B3GALT1: variants seen among roughly 807,000 people sequenced by gnomAD.
B3GALT1 encodes the protein UDP-Gal:betaGlcNAc beta 1,3-galactosyltransferase, polypeptide 1.
Under a neutral mutation model 23.2 loss-of-function variants are expected in B3GALT1, and 10 were observed. That is an observed-to-expected ratio of 0.43 (90% CI 0.27 to 0.73). The LOEUF (loss-of-function observed/expected upper bound fraction) is 0.73, where lower values mean the gene tolerates loss of function less well. Ranked by LOEUF, B3GALT1 falls within the 30% of genes least tolerant of loss-of-function variation. B3GALT1 has a pLI of 0.21. For missense variants in B3GALT1, 299 were observed against 405.4 expected (o/e 0.74, Z 2.25); for synonymous variants, 156 against 141.5 (o/e 1.10, Z -0.73).
At chr2:167,787,591 C>A (rs1233637437) in intron 3 of B3GALT1, among the ~76,000 whole-genome samples, 2 of 152,204 alleles carry the variant, frequency 1.3e-5, no homozygotes, top group Non-Finnish European at 2.9e-5. Flanking sequence ...TATTAAGACT[C>A]ACCATCACAT....
intron 4 of B3GALT1, among the ~76,000 whole-genome samples, chr2:167,831,232 T>TTAA: frequency 6.6e-6 from 1 of 152,338 alleles, no homozygotes; most frequent in South Asian, 2.1e-4. Context: ...TATTAACAAT[T>TTAA]TAATTCAGCG....
intron 2 of B3GALT1, among the ~76,000 whole-genome samples, chr2:167,514,747 A>G (rs967213864): frequency 6.6e-6 from 1 of 152,228 alleles, no homozygotes; most frequent in African/African-American, 2.4e-5. Flanking sequence ...CTAACTGGAA[A>G]TATGGATAAA....
At chr2:167,370,704 A>G (rs1372601157) in intron 1 of B3GALT1, among the ~76,000 whole-genome samples, 2 of 152,166 alleles carry the variant, frequency 1.3e-5, no homozygotes, top group African/African-American at 4.8e-5. Flanking sequence ...AGGTGGGTGG[A>G]TCACGAGGTC....
intron 1 of B3GALT1, among the ~76,000 whole-genome samples, chr2:167,488,445 T>G (rs1334237224): frequency 6.6e-6 from 1 of 152,224 alleles, no homozygotes; most frequent in Non-Finnish European, 1.5e-5. Context: ...ATTCTGGGTA[T>G]ATGTGTGCTT....
chr2:167,308,783 A>G (rs1696589603), intron 1 of B3GALT1, among the ~76,000 whole-genome samples: 1 of 152,056 alleles, frequency 6.6e-6, no homozygotes, highest in South Asian at 2.1e-4. Context: ...TGAGAACTAT[A>G]CAGTGCCATC....
At chr2:167,801,082 T>C (rs999919550) in intron 3 of B3GALT1, among the ~76,000 whole-genome samples, 13 of 152,238 alleles carry the variant, frequency 8.5e-5, no homozygotes, top group African/African-American at 2.9e-4. Context: ...AAATGCATTA[T>C]TTAGTACTTG....
chr2:167,554,129 G>A (rs977632621), intron 2 of B3GALT1, among the ~76,000 whole-genome samples: 3 of 152,152 alleles, frequency 2.0e-5, no homozygotes, highest in African/African-American at 7.2e-5. Context: ...CAAACTGTAT[G>A]ACTTTGAACA....
intron 4 of B3GALT1, among the ~76,000 whole-genome samples, chr2:167,831,617 G>C (rs1399152113): frequency 6.6e-6 from 1 of 152,152 alleles, no homozygotes; most frequent in Non-Finnish European, 1.5e-5. Flanking sequence ...GATATGAATA[G>C]AGGGAAAAAG....
rs1257894053 is a variant in B3GALT1 at position 167,427,301 on chromosome 2, G to A, written c.-510-62876G>A. Among the ~76,000 whole-genome samples the A allele has an allele frequency of 2.6e-5, 4 of 152,134 alleles. No homozygotes were observed. In the East Asian group the frequency reaches 7.7e-4, roughly 29 times the overall value. ...GTGAGGAGAGCATCTGCTTGTTGGT[G>A]AAGTTCTATTTTTTGGCTTGATTTA... is the stretch of plus-strand genomic sequence containing the variant. On this transcript the variant is annotated intron_variant, in intron 1 of 4. Transcript: ENST00000392690.
intron 1 of B3GALT1, among the ~76,000 whole-genome samples, chr2:167,333,361 C>T (rs1270602249): frequency 6.6e-6 from 1 of 152,224 alleles, no homozygotes; most frequent in Non-Finnish European, 1.5e-5. Flanking sequence ...TAGTGTAAAG[C>T]AGGGCTAACA....
intron 4 of B3GALT1, among the ~76,000 whole-genome samples, chr2:167,857,404 A>G (rs1298123473): frequency 2.0e-5 from 3 of 152,172 alleles, no homozygotes; most frequent in Non-Finnish European, 2.9e-5. Context: ...ACTGTGGCAA[A>G]GAGTTCAAGG....
At chr2:167,661,971 G>T (rs919451193) in intron 3 of B3GALT1, among the ~76,000 whole-genome samples, 1 of 151,508 alleles carries the variant, frequency 6.6e-6, no homozygotes, top group Non-Finnish European at 1.5e-5. Context: ...TCTGTAAAGA[G>T]AAATAAAACC....
intron 1 of B3GALT1, among the ~76,000 whole-genome samples, chr2:167,414,941 G>A (rs148090479): frequency 7.1e-4 from 108 of 152,244 alleles, no homozygotes; most frequent in African/African-American, 2.4e-3. Context: ...CTTAATGTAC[G>A]TTAATGCTTT....
chr2:167,664,489 T>C (rs978311506), intron 3 of B3GALT1, among the ~76,000 whole-genome samples: 29 of 152,238 alleles, frequency 1.9e-4, no homozygotes, highest in Admixed American at 1.8e-3. Flanking sequence ...TTTTTTCCAA[T>C]TCTGTGAAGA....
chr2:167,722,057 G>A (rs1247625257), intron 3 of B3GALT1, among the ~76,000 whole-genome samples: 1 of 152,056 alleles, frequency 6.6e-6, no homozygotes, highest in Non-Finnish European at 1.5e-5. Flanking sequence ...AATTGCTTTT[G>A]TTGAAGAAAT....
rs1313288894 is a variant in B3GALT1 at position 167,513,139 on chromosome 2, G to A, written c.-410+22862G>A. Among the ~76,000 whole-genome samples the A allele has an allele frequency of 6.0e-5, 9 of 149,480 alleles. No homozygotes were observed. The South Asian group carries it at 1.7e-3, about 28-fold the overall frequency. ...ATCTAACTACTTACAGAAAATTTGG[G>A]GGACTCAGGGAAGTTAAATGACACA... On this transcript the variant is annotated intron_variant, in intron 2 of 4. Transcript: ENST00000392690.
At chr2:167,447,725 G>C (rs1465843962) in intron 1 of B3GALT1, among the ~76,000 whole-genome samples, 4 of 152,106 alleles carry the variant, frequency 2.6e-5, no homozygotes. Context: ...ACAATATTAG[G>C]GTGGAAGTGA....
chr2:167,662,531 A>G (rs1014151680), intron 3 of B3GALT1, among the ~76,000 whole-genome samples: 4 of 152,222 alleles, frequency 2.6e-5, no homozygotes, highest in African/African-American at 9.6e-5. Flanking sequence ...GAATGGCATC[A>G]TGTCTCCCAA....
At chr2:167,844,231 G>A (rs1037488490) in intron 4 of B3GALT1, among the ~76,000 whole-genome samples, 1 of 152,194 alleles carries the variant, frequency 6.6e-6, no homozygotes, top group Admixed American at 6.5e-5. Flanking sequence ...GAGGAGGCAA[G>A]GATCATCATG....
Sources: allele counts gnomAD v4.1 joint callset (sites outside exome capture counted in the v4.1 genomes callset), GRCh38; gene constraint gnomAD v4.1.1; transcripts MANE v1.5; gene names NCBI Gene and HGNC (gene_info 2026-07-23, HGNC 2026-07-21).